Variants in PHF3 observed in about 807,000 individuals in gnomAD.
PHF3 encodes PHD finger protein 3.
A neutral mutation model predicts 178.4 loss-of-function variants in PHF3; 41 were observed. The observed-to-expected ratio is 0.23, with a 90% CI of 0.18 to 0.30. The LOEUF (loss-of-function observed/expected upper bound fraction) is 0.30, where lower values mean the gene tolerates loss of function less well. Among genes scored for constraint, PHF3 ranks in the 10% least tolerant of loss-of-function variants. The probability of loss-of-function intolerance (pLI) is 1.00; values close to 1 mark genes in which losing one functional copy is unlikely to be tolerated. For missense variants in PHF3, 2,346 were observed against 2,398.1 expected, an observed-to-expected ratio of 0.98 and a Z score of 0.45; for synonymous variants, 842 against 800.5, an observed-to-expected ratio of 1.05 and a Z score of -0.88.
At chr6:63,638,116 T>C (rs925966005) in intron 1 of PHF3, among the ~76,000 whole-genome samples, 1 of 152,150 alleles carries the variant, frequency 6.6e-6, no homozygotes, top group African/African-American at 2.4e-5. Flanking sequence ...CAGATGCACA[T>C]TTCAAGATAG....
intron 2 of PHF3, among the ~76,000 whole-genome samples, chr6:63,673,781 A>G (rs1766030914): frequency 6.6e-6 from 1 of 152,222 alleles, no homozygotes; most frequent in Non-Finnish European, 1.5e-5. Context: ...GGTAAGAAAA[A>G]GTAGCAAATG....
rs1225304963 is a variant in PHF3 at position 63,720,994 on chromosome 6, GA to G, written c.*7287del. 1.4e-5 allele frequency: 22 copies of G among 1,551,272 alleles called. No individual in the cohort carries two copies. The highest frequency in any genetic ancestry group is 1.8e-5 in the Non-Finnish European group (21 of 1,146,768). On this transcript the variant is annotated 3_prime_UTR_variant, in exon 16 of 16. Coordinates refer to ENST00000262043, the MANE Select transcript of PHF3 (RefSeq NM_001370348.2). ...GCTATTTTCAAGGTCTGATTATGGAGACCAATTGCCAGAAAATCATTTTCTT... is the reference window on the plus strand; with the variant it reads ...GCTATTTTCAAGGTCTGATTATGGAGCCAATTGCCAGAAAATCATTTTCTT...
At chr6:63,703,474 A>G in intron 10 of PHF3, 62 bp from the exon 11 acceptor site, 3 of 1,497,412 alleles carry the variant, frequency 2.0e-6, no homozygotes, top group South Asian at 2.5e-5. Flanking sequence ...ATATAAATTG[A>G]TTTTGATAAT....
intron 4 of PHF3, among the ~76,000 whole-genome samples, chr6:63,688,872 A>G (rs150025308): frequency 1.2e-3 from 186 of 152,340 alleles, no homozygotes; most frequent in Admixed American, 2.3e-3. Flanking sequence ...GTTTGTTAAT[A>G]TGACACATTT....
intron 4 of PHF3, among the ~76,000 whole-genome samples, chr6:63,689,098 T>A (rs187189709): frequency 1.3e-5 from 2 of 152,330 alleles, no homozygotes; most frequent in East Asian, 3.9e-4. Flanking sequence ...ATATGCTAGA[T>A]TTTTATTGCT....
At chr6:63,658,855 T>C (rs1267752197) in intron 2 of PHF3, among the ~76,000 whole-genome samples, 1 of 151,808 alleles carries the variant, frequency 6.6e-6, no homozygotes, top group Non-Finnish European at 1.5e-5. Flanking sequence ...ATCTGCAGGG[T>C]AGGCTGGCAG....
At chr6:63,649,198 T>G (rs1270257594) in intron 2 of PHF3, among the ~76,000 whole-genome samples, 1 of 151,960 alleles carries the variant, frequency 6.6e-6, no homozygotes, top group Non-Finnish European at 1.5e-5. Context: ...CCGGCCTATG[T>G]CTCACAGAGT....
rs1768111001 is a variant in PHF3 at position 63,714,407 on chromosome 6, T to C, written c.*699T>C. 6.6e-6 allele frequency: 1 copy of C among 152,574 alleles called. No homozygotes were observed. 9.5% of individuals were successfully genotyped at this position (152,574 alleles called of 1,614,324 possible). A position where few individuals can be genotyped will look rare whatever the true frequency, so the allele number is the denominator to read the frequency against. ...CCTTTTTACTGTAAAATGTAAATATTTTAAGGGATATTTTGATTCTAAATA... is the reference window on the plus strand; with the variant it reads ...CCTTTTTACTGTAAAATGTAAATATCTTAAGGGATATTTTGATTCTAAATA... On this transcript the variant is annotated 3_prime_UTR_variant, in exon 16 of 16. Coordinates refer to ENST00000262043, the MANE Select transcript of PHF3 (RefSeq NM_001370348.2).
Position 63,685,335 on chromosome 6 carries a change from A to G in PHF3, c.1613A>G (p.Gln538Arg), listed in dbSNP as rs1315774195. The part of the protein sequence containing the change: ...VKRNTDVPES[Q>R]QNFHRPVKVR... ...CGAAATACTGATGTACCAGAATCTC[A>G]GCAAAATTTTCATAGGCCAGTCAAA... The change falls in exon 4 of 16, where the codon CAG becomes CGG. Residue 538 changes from glutamine (Q) to arginine (R), a missense_variant. Gln to Arg is a conservative substitution (Grantham distance 43). Around this residue, in one of 8 missense-constraint regions of PHF3, gnomAD observed 843 missense variants for 795.2 expected, o/e 1.06. Coordinates refer to ENST00000262043, the MANE Select transcript of PHF3 (RefSeq NM_001370348.2). 1.2e-6 allele frequency: 2 copies of G among 1,613,788 alleles called. No homozygotes were observed. Among genetic ancestry groups the G allele is most frequent in the African/African-American group, 2.7e-5 (2 of 74,908 alleles).
intron 6 of PHF3, among the ~76,000 whole-genome samples, chr6:63,695,166 A>AG (rs1485508814): frequency 6.6e-6 from 1 of 152,114 alleles, no homozygotes; most frequent in Admixed American, 6.6e-5. Flanking sequence ...TGGGATTTGA[A>AG]GGGGTGCAAA....
At chr6:63,643,108 T>A (rs1314343181) in intron 1 of PHF3, among the ~76,000 whole-genome samples, 1 of 152,068 alleles carries the variant, frequency 6.6e-6, no homozygotes, top group East Asian at 1.9e-4. Context: ...TTTATTCTGA[T>A]TTTACCGGTT....
intron 14 of PHF3, among the ~76,000 whole-genome samples, chr6:63,710,398 A>G (rs1232676628): frequency 1.3e-5 from 2 of 151,724 alleles, no homozygotes; most frequent in African/African-American, 2.4e-5. Flanking sequence ...CACATTTTAT[A>G]AGAGAGTCAT....
At chr6:63,636,286 C>G (rs986724434) in intron 1 of PHF3, 136 bp downstream of exon 1, 1 of 232,424 alleles carries the variant, frequency 4.3e-6, no homozygotes. Context: ...CCCGCGCAGC[C>G]GAGAGATCGC....
In PHF3 at chr6:63,716,008, G is replaced by T. The variant is rs774367594; in HGVS notation, c.*2300G>T. The stretch of plus-strand genomic sequence containing the variant: ...TTAGAATCATCTTAAGACAGTGAAT[G>T]CATACCTCTATTAGGTAAAAGTACC... On this transcript the variant is annotated 3_prime_UTR_variant, in exon 16 of 16. Transcript: ENST00000262043. Among the ~76,000 whole-genome samples the T allele has an allele frequency of 1.6e-4, 24 of 152,134 alleles. No individual in the cohort carries two copies. Among genetic ancestry groups the T allele is most frequent in the Non-Finnish European group, 2.9e-4 (20 of 68,026 alleles).
chr6:63,678,680 C>G (rs1766292234), intron 2 of PHF3: 6 of 277,952 alleles, frequency 2.2e-5, no homozygotes, highest in South Asian at 2.1e-4. Flanking sequence ...GCATTTTCTT[C>G]ATAATCCATT....
chr6:63,653,979 T>C (rs1362143440), intron 2 of PHF3, among the ~76,000 whole-genome samples: 1 of 152,220 alleles, frequency 6.6e-6, no homozygotes, highest in Non-Finnish European at 1.5e-5. Context: ...CTGGGATAAA[T>C]GCTACTTGAT....
chr6:63,638,751 C>G (rs949803193), intron 1 of PHF3, among the ~76,000 whole-genome samples: 15 of 151,626 alleles, frequency 9.9e-5, no homozygotes, highest in African/African-American at 3.4e-4. Context: ...TTGGAGCACT[C>G]TCTCAGAATT....
intron 2 of PHF3, among the ~76,000 whole-genome samples, chr6:63,673,193 C>G (rs910431566): frequency 6.6e-6 from 1 of 152,034 alleles, no homozygotes; most frequent in Non-Finnish European, 1.5e-5. Context: ...ACAGCAGAAA[C>G]AGCACCGCTA....
At chr6:63,644,348 AT>A (rs1033229792) in intron 1 of PHF3, among the ~76,000 whole-genome samples, 17 of 152,262 alleles carry the variant, frequency 1.1e-4, no homozygotes, top group African/African-American at 4.1e-4. Flanking sequence ...TTTAGTGAAT[AT>A]TTTCATAAAT....
Sources: allele counts gnomAD v4.1 joint callset (sites outside exome capture counted in the v4.1 genomes callset), GRCh38; gene constraint gnomAD v4.1.1; regional missense constraint gnomAD v4.1.1; transcripts MANE v1.5; gene names NCBI Gene and HGNC (gene_info 2026-07-23, HGNC 2026-07-21).